PMS1: variants seen among roughly 807,000 people sequenced by gnomAD.
PMS1 encodes the protein PMS1 homolog 1, mismatch repair system component.
A neutral mutation model predicts 93.1 loss-of-function variants in PMS1; 79 were observed. The observed-to-expected ratio is 0.85, with a 90% CI of 0.71 to 1.02. PMS1 has a LOEUF of 1.02. Among genes scored for constraint, PMS1 ranks in the 50% least tolerant of loss-of-function variants. The pLI, the probability that PMS1 is intolerant of heterozygous loss-of-function variation, is 0.00. For synonymous variants in PMS1, 335 were observed against 363.4 expected, an observed-to-expected ratio of 0.92 and a Z score of 0.89; for missense variants, 1,064 against 1,085.3, an observed-to-expected ratio of 0.98 and a Z score of 0.28.
intron 6 of PMS1, among the ~76,000 whole-genome samples, chr2:189,844,635 T>C (rs1346011369): frequency 3.2e-4 from 42 of 131,150 alleles, no homozygotes; most frequent in African/African-American, 1.3e-3. Context: ...CAGAGTGAGA[T>C]TCCATCTCAA....
chr2:189,787,523 A>G (rs1004401978), intron 1 of PMS1, among the ~76,000 whole-genome samples: 10 of 152,194 alleles, frequency 6.6e-5, no homozygotes, highest in African/African-American at 2.2e-4. Flanking sequence ...TCTTACATTG[A>G]TTATAGGACA....
chr2:189,808,268 A>C (rs905602923), intron 4 of PMS1, among the ~76,000 whole-genome samples: 6 of 152,146 alleles, frequency 3.9e-5, no homozygotes, highest in African/African-American at 1.4e-4. Flanking sequence ...GGAACAACTT[A>C]CAACATAATT....
At chr2:189,809,810 C>CA (rs1245884238) in intron 4 of PMS1, among the ~76,000 whole-genome samples, 1 of 152,070 alleles carries the variant, frequency 6.6e-6, no homozygotes, top group Non-Finnish European at 1.5e-5. Flanking sequence ...CCAGCCTGGG[C>CA]AACAAGAGTG....
At chr2:189,867,754 A>G (rs766097033) in intron 10 of PMS1, 45 bp from the exon 11 acceptor site, 2 of 1,421,716 alleles carry the variant, frequency 1.4e-6, no homozygotes, top group South Asian at 2.3e-5. Flanking sequence ...AAACCCCCTT[A>G]TTTTGTGTTT....
intron 5 of PMS1, among the ~76,000 whole-genome samples, chr2:189,830,688 C>G (rs1362487309): frequency 6.6e-6 from 1 of 152,140 alleles, no homozygotes; most frequent in Non-Finnish European, 1.5e-5. Context: ...AAAAACATGT[C>G]AAATGAATGA....
chr2:189,820,302 C>CT (rs112459960), intron 5 of PMS1, among the ~76,000 whole-genome samples: 4,865 of 149,500 alleles, frequency 0.033, 96 homozygotes, highest in South Asian at 0.065. Context: ...TGCTCTCTTC[C>CT]TTTTTTTTTT....
chr2:189,809,556 T>A (rs985838180), intron 4 of PMS1, among the ~76,000 whole-genome samples: 45 of 149,952 alleles, frequency 3.0e-4, no homozygotes, highest in African/African-American at 9.5e-4. Context: ...TTCTTATTAA[T>A]CTCAATTGGC....
chr2:189,848,872 C>G (rs1415244437), intron 6 of PMS1, among the ~76,000 whole-genome samples: 3 of 152,150 alleles, frequency 2.0e-5, no homozygotes, highest in Admixed American at 2.0e-4. Flanking sequence ...ATCACAGTTT[C>G]TTTGAGCCCT....
chr2:189,860,220 A>C (rs1262008177), intron 9 of PMS1, among the ~76,000 whole-genome samples: 2 of 152,174 alleles, frequency 1.3e-5, no homozygotes, highest in African/African-American at 2.4e-5. Context: ...ATGGTTCCTC[A>C]TGCCACCTCT....
At chr2:189,862,811 G>C (rs2056160787) in intron 9 of PMS1, among the ~76,000 whole-genome samples, 1 of 152,180 alleles carries the variant, frequency 6.6e-6, no homozygotes, top group East Asian at 1.9e-4. Flanking sequence ...TGTTCACCCG[G>C]CCATGAAACT....
chr2:189,873,556 A>G lies in PMS1; in HGVS notation c.2534A>G (p.Tyr845Cys), dbSNP rs779501477. The G allele has an allele frequency of 2.6e-5, 42 of 1,599,030 alleles. No homozygotes were observed. The highest frequency in any genetic ancestry group is 1.2e-4 in the African/African-American group (9 of 74,664). Reference sequence around the variant, plus strand: ...GGAATGGCTAATTGTCTCCCATTCTATGGAGTAGCAGATTTAAAAGAAATT... The same window carrying G: ...GGAATGGCTAATTGTCTCCCATTCTGTGGAGTAGCAGATTTAAAAGAAATT... ...IEGMANCLPF[Y>C]GVADLKEILN... Residue 845 changes from tyrosine (Y) to cysteine (C), a missense_variant, in exon 12 of 13, where the codon TAT (tyrosine) becomes TGT (cysteine). By Grantham distance (194) the Tyr-to-Cys change is radical. Transcript: ENST00000441310.
intron 5 of PMS1, among the ~76,000 whole-genome samples, chr2:189,825,011 G>T (rs1183047216): frequency 1.3e-5 from 2 of 151,854 alleles, no homozygotes; most frequent in South Asian, 4.2e-4. Flanking sequence ...TAAACCTGAC[G>T]ATATTGTTGT....
chr2:189,853,441 T>C (rs1252854098), intron 7 of PMS1, among the ~76,000 whole-genome samples: 1 of 152,166 alleles, frequency 6.6e-6, no homozygotes, highest in Non-Finnish European at 1.5e-5. Flanking sequence ...TTTGTACTTG[T>C]TTTGAATGCT....
chr2:189,796,807 G>A (rs903872075), intron 3 of PMS1, among the ~76,000 whole-genome samples: 1 of 151,892 alleles, frequency 6.6e-6, no homozygotes, highest in East Asian at 1.9e-4. Context: ...CCCACCTTTG[G>A]GCTATTGTGA....
intron 2 of PMS1, among the ~76,000 whole-genome samples, chr2:189,795,475 T>A (rs928053551): frequency 1.3e-5 from 2 of 152,148 alleles, no homozygotes; most frequent in Non-Finnish European, 2.9e-5. Context: ...AATTTAAACA[T>A]AAATTATTGT....
chr2:189,828,702 C>T (rs1173587796), intron 5 of PMS1, among the ~76,000 whole-genome samples: 1 of 152,128 alleles, frequency 6.6e-6, no homozygotes, highest in East Asian at 1.9e-4. Context: ...AATAAATAAG[C>T]TCACAATGCA....
At chr2:189,858,935 CTT>C (rs1336508397) in intron 9 of PMS1, among the ~76,000 whole-genome samples, 1 of 152,030 alleles carries the variant, frequency 6.6e-6, no homozygotes, top group Non-Finnish European at 1.5e-5. Context: ...GATCTCCTGT[CTT>C]TTAAATCTCA....
intron 1 of PMS1, among the ~76,000 whole-genome samples, chr2:189,790,927 A>G (rs2048807310): frequency 6.6e-6 from 1 of 152,176 alleles, no homozygotes; most frequent in Non-Finnish European, 1.5e-5. Context: ...TGGTAATTAT[A>G]CCCGGAGTTT....
intron 5 of PMS1, among the ~76,000 whole-genome samples, chr2:189,826,766 T>C (rs1273849154): frequency 6.6e-6 from 1 of 152,178 alleles, no homozygotes; most frequent in African/African-American, 2.4e-5. Context: ...CAGCCTTTTA[T>C]AGGAGGGAGG....
Sources: allele counts gnomAD v4.1 joint callset (sites outside exome capture counted in the v4.1 genomes callset), GRCh38; gene constraint gnomAD v4.1.1; transcripts MANE v1.5; gene names NCBI Gene and HGNC (gene_info 2026-07-23, HGNC 2026-07-21).